The following PRKCE variants were observed in gnomAD, a reference collection of about 807,000 sequenced individuals.
PRKCE encodes the protein protein kinase C epsilon type.
PRKCE carries 16 observed loss-of-function variants against 85.4 expected under a neutral mutation model. The ratio of observed to expected loss-of-function variants is 0.19; its 90% CI spans 0.13 to 0.28. The LOEUF is 0.28. Among genes scored for constraint, PRKCE ranks in the 10% least tolerant of loss-of-function variants. The probability of loss-of-function intolerance (pLI) is 1.00; values close to 1 mark genes in which losing one functional copy is unlikely to be tolerated. For missense variants in PRKCE, 573 were observed against 975.2 expected (o/e 0.59, Z 5.49); for synonymous variants, 388 against 371.5 (o/e 1.04, Z -0.51).
At chr2:46,124,212 A>G (rs1229753863) in intron 11 of PRKCE, among the ~76,000 whole-genome samples, 2 of 152,016 alleles carry the variant, frequency 1.3e-5, no homozygotes, top group East Asian at 3.9e-4. Flanking sequence ...GTAATCCCAG[A>G]TACTTGGGAG....
In PRKCE at chr2:46,004,972, T is replaced by C. The variant is rs982670261; in HGVS notation, c.1063+334T>C. Among the ~76,000 whole-genome samples the C allele has an allele frequency of 2.0e-5, 3 of 152,112 alleles. No homozygotes were observed. Among genetic ancestry groups the C allele is most frequent in the Non-Finnish European group, 4.4e-5 (3 of 68,026 alleles). On this transcript the variant is annotated intron_variant, in intron 8 of 14. Transcript: ENST00000306156. The surrounding 1 kb of genome is among the most constrained non-coding windows in gnomAD (Gnocchi z 4.1). ...GAGAGAAGGGTACAGCTCCCTCTCT[T>C]AAAGCTCTTGCCTGGCCCTAGACCT... is the stretch of plus-strand genomic sequence containing the variant.
chr2:45,808,086 C>A (rs552079840), intron 1 of PRKCE, among the ~76,000 whole-genome samples: 23 of 152,250 alleles, frequency 1.5e-4, no homozygotes, highest in African/African-American at 5.3e-4. Flanking sequence ...AGTGGTCACT[C>A]CCTCTCTGAC....
chr2:46,153,706 T>G (rs1018747533), intron 13 of PRKCE, among the ~76,000 whole-genome samples: 1 of 151,640 alleles, frequency 6.6e-6, no homozygotes, highest in Non-Finnish European at 1.5e-5. Context: ...GATGGCGGTG[T>G]CTGAGTATGC....
chr2:46,000,457 T>TA (rs58175194), intron 6 of PRKCE, among the ~76,000 whole-genome samples: 112 of 148,792 alleles, frequency 7.5e-4, no homozygotes, highest in Middle Eastern at 3.5e-3. Flanking sequence ...CAATCTCTGA[T>TA]AAAAAAAAAA....
intron 14 of PRKCE, among the ~76,000 whole-genome samples, chr2:46,172,901 G>T (rs1679058453): frequency 6.6e-6 from 1 of 152,212 alleles, no homozygotes; most frequent in South Asian, 2.1e-4. Context: ...AGAAAGCCAG[G>T]CTTTTTATAA....
intron 1 of PRKCE, among the ~76,000 whole-genome samples, chr2:45,660,212 A>G (rs561920936): frequency 3.9e-5 from 6 of 152,236 alleles, no homozygotes; most frequent in Non-Finnish European, 7.3e-5. Flanking sequence ...GATAGAAACC[A>G]GTTGAATGAA....
chr2:46,088,759 A>C (rs917275585), intron 11 of PRKCE, among the ~76,000 whole-genome samples: 1 of 152,142 alleles, frequency 6.6e-6, no homozygotes. Context: ...GAAAAACGCC[A>C]TTTCTTGAGA....
intron 10 of PRKCE, among the ~76,000 whole-genome samples, chr2:46,050,234 G>C (rs1402065148): frequency 6.6e-6 from 1 of 152,214 alleles, no homozygotes; most frequent in Non-Finnish European, 1.5e-5. Context: ...CAAGACTCGA[G>C]CACTGGTAAT....
chr2:45,777,075 C>T (rs7575312), intron 1 of PRKCE, among the ~76,000 whole-genome samples: 87,232 of 151,974 alleles, frequency 0.57, 26,697 homozygotes, highest in East Asian at 0.8. Context: ...TCAGTTTGCT[C>T]ATCTGCAAAA....
In PRKCE at chr2:46,010,367, C is replaced by A. The variant is rs778065129; in HGVS notation, c.1287C>A (p.Gly429=). ...AGGTCATGTTGGCAGAACTCAAGGG[C>A]AAAGATGAAGTATATGCTGTGAAGG... ...FGKVMLAELK[G]KDEVYAVKVL... is the part of the protein sequence containing the mutation. The change falls in exon 10 of 15, where the codon GGC becomes GGA. Residue 429 remains glycine (G), a synonymous_variant. Coordinates refer to ENST00000306156, the MANE Select transcript of PRKCE (RefSeq NM_005400.3). 1 of 1,596,274 alleles carries A rather than the reference C, an allele frequency of 6.3e-7. No individual in the cohort carries two copies. Among genetic ancestry groups the A allele is most frequent in the South Asian group, 1.1e-5 (1 of 90,734 alleles).
rs565461322 is a variant in PRKCE at position 46,041,776 on chromosome 2, C to G, written c.1437+31259C>G. 6.6e-6 allele frequency among the ~76,000 whole-genome samples: 1 copy of G among 152,172 alleles called. No individual in the cohort carries two copies. The highest frequency in any genetic ancestry group is 2.4e-5 in the African/African-American group (1 of 41,432). ...AGATTGTTTAATTAAATTTAAAATT[C>G]TTTAAGCTGGAGGAATTTGCCCTAA... On this transcript the variant is annotated intron_variant, in intron 10 of 14. Coordinates refer to ENST00000306156, the MANE Select transcript of PRKCE (RefSeq NM_005400.3). The surrounding 1 kb of genome is among the most constrained non-coding windows in gnomAD (Gnocchi z 5.5).
intron 2 of PRKCE, among the ~76,000 whole-genome samples, chr2:45,862,406 T>C (rs1003562957): frequency 6.6e-6 from 1 of 152,192 alleles, no homozygotes; most frequent in African/African-American, 2.4e-5. Flanking sequence ...GCCACAGAAC[T>C]TCCTGGTCAT....
intron 1 of PRKCE, among the ~76,000 whole-genome samples, chr2:45,821,514 A>G (rs1234088772): frequency 6.6e-6 from 1 of 152,128 alleles, no homozygotes; most frequent in East Asian, 1.9e-4. Context: ...GTTGACCCTC[A>G]ATGCCCAAGG....
intron 1 of PRKCE, among the ~76,000 whole-genome samples, chr2:45,762,679 C>G (rs1164277740): frequency 6.6e-6 from 1 of 152,212 alleles, no homozygotes; most frequent in Non-Finnish European, 1.5e-5. Context: ...AGCTTCATTT[C>G]TCCATCAACA....
At position 46,155,893 on chromosome 2, in the gene PRKCE, G is replaced by A. The variant is rs2104556694; in HGVS notation, c.1921-3713G>A. Among the ~76,000 whole-genome samples, 1 of 152,002 alleles carries A rather than the reference G, an allele frequency of 6.6e-6. No homozygotes were observed. The highest frequency in any genetic ancestry group is 2.1e-4 in the South Asian group (1 of 4,808). The stretch of plus-strand genomic sequence containing the variant: ...CCCTTCTTGTGTCCTTCTCATCTCT[G>A]TACGTCTATCAGAGTGATCTCTTAG... On this transcript the variant is annotated intron_variant, in intron 13 of 14. Transcript: ENST00000306156. The surrounding 1 kb of genome is among the most constrained non-coding windows in gnomAD (Gnocchi z 4.7).
chr2:45,929,767 A>G (rs1182455390), intron 2 of PRKCE, among the ~76,000 whole-genome samples: 2 of 147,688 alleles, frequency 1.4e-5, no homozygotes, highest in African/African-American at 5.0e-5. Context: ...CTTCTCTTGC[A>G]TCTTTCATGT....
At chr2:45,802,830 A>G (rs1687970479) in intron 1 of PRKCE, among the ~76,000 whole-genome samples, 1 of 152,222 alleles carries the variant, frequency 6.6e-6, no homozygotes, top group South Asian at 2.1e-4. Context: ...CATGCACAGT[A>G]TATGCACTAA....
At chr2:45,930,715 A>G (rs529267013) in intron 2 of PRKCE, among the ~76,000 whole-genome samples, 5 of 152,314 alleles carry the variant, frequency 3.3e-5, no homozygotes, top group South Asian at 2.1e-4. Flanking sequence ...TTTGTTTGAC[A>G]TTGCAGCCAT....
chr2:46,036,416 C>A lies in PRKCE; in HGVS notation c.1437+25899C>A, dbSNP rs571203367. The stretch of plus-strand genomic sequence containing the variant: ...ATATAGTGAGACCCCTATTTCCACA[C>A]ACACACAAAATTAATTAAAAAACAT... On this transcript the variant is annotated intron_variant, in intron 10 of 14. Transcript: ENST00000306156. 4.0e-4 allele frequency among the ~76,000 whole-genome samples: 61 copies of A among 152,166 alleles called. 1 individual carries two copies. The South Asian group carries it at 0.011, about 28-fold the overall frequency.
Sources: gnomAD v4.1 joint callset for allele counts (sites outside exome capture counted in the v4.1 genomes callset) on GRCh38, gnomAD v4.1.1 for gene constraint, Gnocchi (gnomAD v3.1) non-coding constraint, MANE v1.5 for transcripts, NCBI Gene and HGNC (gene_info 2026-07-23, HGNC 2026-07-21) for gene names.